Variants in EGFL6 observed in about 807,000 individuals in gnomAD.
EGFL6 encodes EGF like domain multiple 6.
Under a neutral mutation model 43.1 loss-of-function variants are expected in EGFL6, and 42 were observed. The observed-to-expected ratio is 0.98, with a 90% CI of 0.76 to 1.26. EGFL6 has a LOEUF of 1.26. Among genes scored for constraint, EGFL6 ranks in the 50% most tolerant of loss-of-function variants. The pLI is 0.00. For synonymous variants in EGFL6, 164 were observed against 163.2 expected (o/e 1.01, Z -0.04); for missense variants, 429 against 427.8 (o/e 1.00, Z -0.02).
chrX:13,621,763 A>C (rs1220908880), intron 9 of EGFL6, among the ~76,000 whole-genome samples: 1 of 112,553 alleles, frequency 8.9e-6, no homozygotes, highest in African/African-American at 3.2e-5. Context: ...AAGAGAATAT[A>C]AGTACTGACA....
At chrX:13,584,551 G>A (rs1372178840) in intron 1 of EGFL6, among the ~76,000 whole-genome samples, 1 of 111,529 alleles carries the variant, frequency 9.0e-6, no homozygotes, top group Non-Finnish European at 1.9e-5. Flanking sequence ...CCTCTTCTAG[G>A]TTGTCCGTCT....
In EGFL6 at chrX:13,613,157, C is replaced by CATATATATATATAT. The variant is rs35293457; in HGVS notation, c.779-4564_779-4551dup. ...GAGACTTCATCTCCATAAATATATA[C>CATATATATATATAT]ATATATATATATATATATATATGTC... On this transcript the variant is annotated intron_variant, in intron 7 of 11. Coordinates refer to ENST00000361306, the MANE Select transcript of EGFL6 (RefSeq NM_015507.4). 2.3e-3 allele frequency among the ~76,000 whole-genome samples: 202 copies of CATATATATATATAT among 89,384 alleles called. 1 individual carries two copies. Among genetic ancestry groups the CATATATATATATAT allele is most frequent in the African/African-American group, 8.7e-3 (190 of 21,840 alleles). 77.6% of individuals were successfully genotyped at this position (89,384 alleles called of 115,157 possible).
At chrX:13,595,215 C>T (rs761421473) in intron 3 of EGFL6, among the ~76,000 whole-genome samples, 8 of 109,434 alleles carry the variant, frequency 7.3e-5, no homozygotes, top group African/African-American at 1.7e-4. Context: ...CATCTCTTTC[C>T]GTAACACAGA....
chrX:13,577,473 T>A (rs1193805794), intron 1 of EGFL6, among the ~76,000 whole-genome samples: 2 of 105,880 alleles, frequency 1.9e-5, no homozygotes, highest in African/African-American at 3.4e-5. Context: ...TACATATATA[T>A]AAAAACATAT....
At chrX:13,627,547 T>C (rs2045788340) in intron 11 of EGFL6, among the ~76,000 whole-genome samples, 1 of 112,295 alleles carries the variant, frequency 8.9e-6, no homozygotes, top group Non-Finnish European at 1.9e-5. Flanking sequence ...AATCAGGCTA[T>C]ACATGCTATA....
rs371953191 is a variant in EGFL6, at chrX:13,606,318, C to T, written c.521-61C>T. 93 of 1,149,648 alleles carry T rather than the reference C, an allele frequency of 8.1e-5. 1 individual carries two copies. The East Asian group carries it at 1.3e-3, about 16-fold the overall frequency. 94.7% of individuals were successfully genotyped at this position (1,149,648 alleles called of 1,213,427 possible). A position where few individuals can be genotyped will look rare whatever the true frequency, so the allele number is the denominator to read the frequency against. Reference sequence around the variant, plus strand: ...AGAAAAGTAGCTGTGAGTGTGCGTGCGTGCATGTATGTGGCTACTTTTCTT... The same window carrying T: ...AGAAAAGTAGCTGTGAGTGTGCGTGTGTGCATGTATGTGGCTACTTTTCTT... On this transcript the variant is annotated intron_variant, in intron 5 of 11. Coordinates refer to ENST00000361306, the MANE Select transcript of EGFL6 (RefSeq NM_015507.4).
chrX:13,579,976 G>A (rs745824344), intron 1 of EGFL6, among the ~76,000 whole-genome samples: 2 of 110,963 alleles, frequency 1.8e-5, no homozygotes, highest in African/African-American at 6.6e-5. Flanking sequence ...TGCCTTCTGT[G>A]TCCTAATTTC....
In EGFL6 at chrX:13,623,871, T is replaced by G; in HGVS notation, c.1231T>G (p.Trp411Gly). The change falls in exon 10 of 12, where the codon TGG becomes GGG. Residue 411 changes from tryptophan to glycine, a missense_variant. Transcript: ENST00000361306. ...CAGCTTCAATCATGGGATCTGTGAC[T>G]GGAAACAGGATAGAGAAGATGATTT... The part of the protein sequence containing the change: ...DCSFNHGICD[W>G]KQDREDDFDW... 1 of 1,209,850 alleles carries G rather than the reference T, an allele frequency of 8.3e-7. No individual in the cohort carries two copies. Among genetic ancestry groups the G allele is most frequent in the Non-Finnish European group, 1.1e-6 (1 of 893,874 alleles).
chrX:13,631,890 A>G (rs1158072900), intron 11 of EGFL6, among the ~76,000 whole-genome samples: 3 of 112,250 alleles, frequency 2.7e-5, no homozygotes, highest in Non-Finnish European at 3.8e-5. Context: ...AAATGAATGA[A>G]TATAAAATAG....
intron 3 of EGFL6, 32 bp from the exon 4 acceptor site, chrX:13,599,943 C>T (rs746922294): frequency 1.7e-6 from 2 of 1,204,690 alleles, no homozygotes; most frequent in South Asian, 3.6e-5. Flanking sequence ...TGATTCAGTT[C>T]ACCTTTCCCT....
chrX:13,588,928 C>T (rs1016472171), intron 1 of EGFL6, among the ~76,000 whole-genome samples: 6 of 111,775 alleles, frequency 5.4e-5, no homozygotes, highest in East Asian at 2.8e-4. Context: ...AAATGTTTGC[C>T]GATCTCTGCT....
chrX:13,597,876 G>A (rs779190173), intron 3 of EGFL6, among the ~76,000 whole-genome samples: 2 of 112,397 alleles, frequency 1.8e-5, no homozygotes, highest in Non-Finnish European at 3.8e-5. Context: ...ATATGTTTTG[G>A]ATTCTGAACC....
At position 13,629,521 on chromosome X, in the gene EGFL6, A is replaced by C. The variant is rs1373528947; in HGVS notation, c.1551+2245A>C. Among the ~76,000 whole-genome samples, 9 of 111,535 alleles carry C rather than the reference A, an allele frequency of 8.1e-5. No individual in the cohort carries two copies. The Admixed American group carries it at 8.6e-4, about 11-fold the overall frequency. ...TTTCATAAGAGGCATTCTCAGACCC[A>C]GGCATCTGTTCCTTGAATTCTTCAG... is the stretch of plus-strand genomic sequence containing the variant. On this transcript the variant is annotated intron_variant, in intron 11 of 11. Transcript: ENST00000361306.
chrX:13,593,526 G>A (rs182196964), intron 2 of EGFL6, among the ~76,000 whole-genome samples: 1 of 111,645 alleles, frequency 9.0e-6, no homozygotes, highest in South Asian at 3.8e-4. Context: ...CCTCTAGGGG[G>A]TTAATTGCAC....
At chrX:13,584,514 C>T (rs1247045636) in intron 1 of EGFL6, among the ~76,000 whole-genome samples, 1 of 111,766 alleles carries the variant, frequency 8.9e-6, no homozygotes, top group Non-Finnish European at 1.9e-5. Flanking sequence ...GGACTCCTCA[C>T]CCAAATATCC....
chrX:13,572,161 A>G (rs2045446598), intron 1 of EGFL6, among the ~76,000 whole-genome samples: 1 of 111,598 alleles, frequency 9.0e-6, no homozygotes, highest in Non-Finnish European at 1.9e-5. Flanking sequence ...TCCTTTGGGT[A>G]TTGGAACTAT....
chrX:13,610,308 T>G lies in EGFL6; in HGVS notation c.778+1862T>G, dbSNP rs748027001. 2.7e-5 allele frequency among the ~76,000 whole-genome samples: 3 copies of G among 112,216 alleles called. No individual in the cohort carries two copies. The South Asian group carries it at 1.1e-3, about 42-fold the overall frequency. ...CTAAGTCCAGTGGGTGGAGGTTACA[T>G]TCTCTCTTAAAAATGGCTGCTAGGT... On this transcript the variant is annotated intron_variant, in intron 7 of 11. Transcript: ENST00000361306.
At chrX:13,579,125 C>A (rs747865045) in intron 1 of EGFL6, among the ~76,000 whole-genome samples, 1 of 109,444 alleles carries the variant, frequency 9.1e-6, no homozygotes, top group East Asian at 2.9e-4. Context: ...TTCAGGGGTA[C>A]CTGTGCAGGT....
chrX:13,594,875 G>A lies in EGFL6; in HGVS notation c.227G>A (p.Gly76Glu), dbSNP rs1234581756. 4.1e-6 allele frequency: 5 copies of A among 1,210,801 alleles called. No homozygotes were observed. Among genetic ancestry groups the A allele is most frequent in the Middle Eastern group, 2.3e-4 (1 of 4,338 alleles). ...GGATGTAAGTTTGGTGAGTGCGTGG[G>A]ACCAAACAAATGCAGATGCTTTCCA... ...EPGCKFGECV[G>E]PNKCRCFPGY... Residue 76 changes from glycine to glutamate, a missense_variant, in exon 3 of 12, where the codon GGA becomes GAA. By Grantham distance (98) the Gly-to-Glu change is moderately conservative (BLOSUM62 -2). Coordinates refer to ENST00000361306, the MANE Select transcript of EGFL6 (RefSeq NM_015507.4).
Sources: gnomAD v4.1 joint callset for allele counts (sites outside exome capture counted in the v4.1 genomes callset) on GRCh38, gnomAD v4.1.1 for gene constraint, MANE v1.5 for transcripts, NCBI Gene and HGNC (gene_info 2026-07-23, HGNC 2026-07-21) for gene names.